Variants in SYT9 observed in about 807,000 individuals in gnomAD.
SYT9 encodes the protein synaptotagmin 9, also known as synaptotagmin-9.
SYT9 carries 22 observed loss-of-function variants against 48.4 expected under a neutral mutation model. That is an observed-to-expected ratio of 0.45 (90% CI 0.32 to 0.65). The LOEUF is 0.65. Among genes scored for constraint, SYT9 ranks in the 30% least tolerant of loss-of-function variants. The pLI is 0.03. For missense variants in SYT9, 577 were observed against 622.0 expected (o/e 0.93, Z 0.77); for synonymous variants, 265 against 245.0 (o/e 1.08, Z -0.76).
chr11:7,289,319 G>C (rs897323825), intron 1 of SYT9, among the ~76,000 whole-genome samples: 1 of 152,206 alleles, frequency 6.6e-6, no homozygotes, highest in African/African-American at 2.4e-5. Flanking sequence ...CCAGGGTCTG[G>C]AGGAGGGAGT....
chr11:7,281,452 G>T (rs1848490867), intron 1 of SYT9, among the ~76,000 whole-genome samples: 1 of 152,192 alleles, frequency 6.6e-6, no homozygotes, highest in Non-Finnish European at 1.5e-5. Flanking sequence ...CTTTCTACAA[G>T]CCCTTCAGAA....
At chr11:7,384,027 A>T (rs1168566038) in intron 3 of SYT9, among the ~76,000 whole-genome samples, 1 of 151,124 alleles carries the variant, frequency 6.6e-6, no homozygotes, top group African/African-American at 2.4e-5. Context: ...GAATTTTATT[A>T]TGGAAGATGA....
intron 3 of SYT9, among the ~76,000 whole-genome samples, chr11:7,342,524 A>T (rs753155391): frequency 3.3e-5 from 5 of 152,212 alleles, no homozygotes; most frequent in Non-Finnish European, 7.3e-5. Flanking sequence ...TCCAGGTCAC[A>T]CTAATGCAAG....
chr11:7,276,458 A>G (rs548665783), intron 1 of SYT9, among the ~76,000 whole-genome samples: 1 of 152,208 alleles, frequency 6.6e-6, no homozygotes, highest in African/African-American at 2.4e-5. Context: ...GGCCCATTCA[A>G]CTATGGGATC....
intron 3 of SYT9, among the ~76,000 whole-genome samples, chr11:7,374,427 A>G (rs755862222): frequency 4.6e-5 from 7 of 152,176 alleles, no homozygotes; most frequent in Admixed American, 6.5e-5. Context: ...TCCACTGGGT[A>G]TATACCCAGT....
At chr11:7,349,382 A>AACAAACACAC (rs1849865068) in intron 3 of SYT9, among the ~76,000 whole-genome samples, 1 of 148,160 alleles carries the variant, frequency 6.7e-6, no homozygotes, top group Admixed American at 6.7e-5. Flanking sequence ...AAAATATACA[A>AACAAACACAC]ACACACACAC....
intron 5 of SYT9, among the ~76,000 whole-genome samples, chr11:7,418,707 A>G (rs11041364): frequency 0.16 from 23,897 of 152,234 alleles, 2,001 homozygotes; most frequent in East Asian, 0.29. Flanking sequence ...TAAGATGCTC[A>G]ACTTTTTAAT....
At chr11:7,304,547 C>A (rs924039992) in intron 2 of SYT9, among the ~76,000 whole-genome samples, 1 of 152,126 alleles carries the variant, frequency 6.6e-6, no homozygotes, top group Admixed American at 6.5e-5. Flanking sequence ...TTATGTTAAT[C>A]GAGTTTATCC....
At chr11:7,333,718 A>T (rs1002743951) in intron 3 of SYT9, among the ~76,000 whole-genome samples, 4 of 152,182 alleles carry the variant, frequency 2.6e-5, no homozygotes. Flanking sequence ...GCTGAGAAAA[A>T]TCCAATTTGC....
intron 1 of SYT9, among the ~76,000 whole-genome samples, chr11:7,245,378 C>G (rs1424887253): frequency 6.6e-6 from 1 of 151,830 alleles, no homozygotes; most frequent in African/African-American, 2.4e-5. Context: ...TTGTAGGTGA[C>G]TTCAAAGATC....
At chr11:7,445,144 G>A (rs1847903413) in intron 6 of SYT9, among the ~76,000 whole-genome samples, 1 of 152,220 alleles carries the variant, frequency 6.6e-6, no homozygotes, top group African/African-American at 2.4e-5. Flanking sequence ...ACCTCACAGA[G>A]CTGTGTGAGA....
chr11:7,266,293 G>A (rs1475591563), intron 1 of SYT9, among the ~76,000 whole-genome samples: 1 of 152,040 alleles, frequency 6.6e-6, no homozygotes, highest in East Asian at 1.9e-4. Flanking sequence ...GGCTTTTAAA[G>A]TACTTTGTGT....
chr11:7,285,142 G>A (rs1848573551), intron 1 of SYT9, among the ~76,000 whole-genome samples: 1 of 152,124 alleles, frequency 6.6e-6, no homozygotes, highest in Admixed American at 6.5e-5. Context: ...TAAAGATGAG[G>A]CAGGATTCTT....
Position 7,416,099 on chromosome 11 carries a change from A to G in SYT9, c.1102A>G (p.Arg368Gly). ...FSLCYLPTAGRLTITIIKARN... is the reference protein window; with the variant it reads ...FSLCYLPTAGGLTITIIKARN... ...CCTGTGCTATCTTCCAACGGCTGGC[A>G]GGCTGACCATTACCATTATAAAAGC... Residue 368 changes from arginine to glycine, a missense_variant, in exon 4 of 7, where the codon AGG (arginine) becomes GGG (glycine). Coordinates refer to ENST00000318881, the MANE Select transcript of SYT9 (RefSeq NM_175733.4). 6.2e-7 allele frequency: 1 copy of G among 1,614,210 alleles called. No individual in the cohort carries two copies. The highest frequency in any genetic ancestry group is 8.5e-7 in the Non-Finnish European group (1 of 1,180,032).
intron 3 of SYT9, among the ~76,000 whole-genome samples, chr11:7,356,090 G>T (rs894503145): frequency 6.6e-6 from 1 of 152,160 alleles, no homozygotes; most frequent in Non-Finnish European, 1.5e-5. Flanking sequence ...CTCATGATCT[G>T]TTTCAGGTCT....
chr11:7,306,409 G>T (rs1476472149), intron 2 of SYT9, among the ~76,000 whole-genome samples: 4 of 152,162 alleles, frequency 2.6e-5, no homozygotes, highest in Non-Finnish European at 5.9e-5. Flanking sequence ...TTAAGGCCCT[G>T]CATTTTAATA....
intron 1 of SYT9, among the ~76,000 whole-genome samples, chr11:7,283,147 G>GTGTATATATA (rs1848532233): frequency 7.1e-6 from 1 of 139,864 alleles, no homozygotes; most frequent in Non-Finnish European, 1.5e-5. Context: ...GTATGTGTGT[G>GTGTATATATA]TATATATATA....
chr11:7,240,585 C>A (rs1441698539), intron 1 of SYT9, among the ~76,000 whole-genome samples: 2 of 152,128 alleles, frequency 1.3e-5, no homozygotes, highest in African/African-American at 4.8e-5. Context: ...GAAGTGAATA[C>A]CGTCTCTTAC....
intron 3 of SYT9, among the ~76,000 whole-genome samples, chr11:7,345,165 A>ACT (rs1050251041): frequency 2.0e-5 from 3 of 151,836 alleles, no homozygotes; most frequent in African/African-American, 2.4e-5. Flanking sequence ...CTTCTCTGGT[A>ACT]CTCTACCCTG....
Sources: allele counts gnomAD v4.1 joint callset (sites outside exome capture counted in the v4.1 genomes callset), GRCh38; gene constraint gnomAD v4.1.1; transcripts MANE v1.5; gene names NCBI Gene and HGNC (gene_info 2026-07-23, HGNC 2026-07-21).